PTPN14: variants seen among roughly 807,000 people sequenced by gnomAD.
PTPN14 encodes tyrosine-protein phosphatase non-receptor type 14.
In PTPN14, 53 loss-of-function variants were observed where a neutral mutation model predicts 126.8. The ratio of observed to expected loss-of-function variants is 0.42; its 90% CI spans 0.34 to 0.53. The LOEUF is 0.53. Among genes scored for constraint, PTPN14 ranks in the 20% least tolerant of loss-of-function variants. The pLI, the probability that PTPN14 is intolerant of heterozygous loss-of-function variation, is 0.08. For missense variants in PTPN14, 1,257 were observed against 1,552.9 expected, an observed-to-expected ratio of 0.81 and a Z score of 3.20; for synonymous variants, 630 against 599.3, an observed-to-expected ratio of 1.05 and a Z score of -0.75.
intron 1 of PTPN14, among the ~76,000 whole-genome samples, chr1:214,538,977 T>G (rs57111405): frequency 0.052 from 7,982 of 152,292 alleles, 275 homozygotes; most frequent in Non-Finnish European, 0.078. Flanking sequence ...TCTTGAAAAT[T>G]GATTTTGTGA....
In PTPN14 at chr1:214,391,059, T is replaced by C; in HGVS notation, c.930-14A>G. 2 of 1,549,936 alleles carry C rather than the reference T, an allele frequency of 1.3e-6. No homozygotes were observed. The highest frequency in any genetic ancestry group is 1.8e-6 in the Non-Finnish European group (2 of 1,137,144). On this transcript the variant is annotated splice_polypyrimidine_tract_variant and intron_variant, in intron 10 of 18. Transcript: ENST00000366956. ...GAATTTGACTGTCTACATGAAGAGG[T>C]GAAAAAATGAGAATGGTTATTATTA...
chr1:214,369,018 C>T (rs536615996), intron 17 of PTPN14, among the ~76,000 whole-genome samples: 1 of 152,254 alleles, frequency 6.6e-6, no homozygotes, highest in Non-Finnish European at 1.5e-5. Flanking sequence ...CCCCTTTGCC[C>T]CAGCCCCTGG....
At chr1:214,544,270 A>T (rs551902805) in intron 1 of PTPN14, among the ~76,000 whole-genome samples, 97 of 151,962 alleles carry the variant, frequency 6.4e-4, no homozygotes, top group African/African-American at 1.9e-3. Context: ...CTGTACAAAA[A>T]TTTTTTAAAA....
At chr1:214,408,394 C>T (rs563141058) in intron 5 of PTPN14, among the ~76,000 whole-genome samples, 1 of 152,340 alleles carries the variant, frequency 6.6e-6, no homozygotes, top group African/African-American at 2.4e-5. Flanking sequence ...CTCATTAACA[C>T]TCTTCTCTTT....
chr1:214,358,089 G>A lies in PTPN14; in HGVS notation c.3436-39C>T, dbSNP rs373354825. On this transcript the variant is annotated intron_variant, in intron 18 of 18. Transcript: ENST00000366956. ...GAGAAAGCACAAGGTCCTGAGACAG[G>A]AGGCTTCCCTTTGAGCATTCCTCAT... is the stretch of plus-strand genomic sequence containing the variant. The A allele has an allele frequency of 3.2e-5, 52 of 1,605,696 alleles. No homozygotes were observed. In the African/African-American group the frequency reaches 3.9e-4, roughly 12 times the overall value.
chr1:214,372,318 A>G, intron 16 of PTPN14: 1 of 232,544 alleles, frequency 4.3e-6, no homozygotes, highest in Non-Finnish European at 8.5e-6. Context: ...TTGGGCGTCT[A>G]TGTCGATTTG....
chr1:214,383,367 C>G lies in PTPN14; in HGVS notation c.2488G>C (p.Val830Leu). 6.2e-7 allele frequency: 1 copy of G among 1,614,224 alleles called. No homozygotes were observed. Among genetic ancestry groups the G allele is most frequent in the Non-Finnish European group, 8.5e-7 (1 of 1,180,034 alleles). ...VKKEPVKERP[V>L]SEMFSLEDSI... ...TCTTCCAGGGAAAACATTTCAGACA[C>G]AGGTCTCTCCTTCACAGGCTCTTTT... The change falls in exon 13 of 19, where the codon GTG (valine) becomes CTG (leucine). Residue 830 changes from valine (V) to leucine (L), a missense_variant. Val to Leu is a conservative substitution (Grantham distance 32). Coordinates refer to ENST00000366956, the MANE Select transcript of PTPN14 (RefSeq NM_005401.5). The surrounding 1 kb of genome is among the most constrained non-coding windows in gnomAD (Gnocchi z 4.4).
At chr1:214,370,280 CA>C (rs561271706) in intron 16 of PTPN14, among the ~76,000 whole-genome samples, 343 of 97,430 alleles carry the variant, frequency 3.5e-3, no homozygotes, top group Middle Eastern at 0.013. Context: ...GATTCCATCT[CA>C]AAAAAAAAAA....
chr1:214,546,201 G>A (rs954338997), intron 1 of PTPN14, among the ~76,000 whole-genome samples: 1 of 152,158 alleles, frequency 6.6e-6, no homozygotes, highest in Non-Finnish European at 1.5e-5. Context: ...TTTGGAAATG[G>A]AAATTCTCAG....
intron 2 of PTPN14, among the ~76,000 whole-genome samples, chr1:214,460,563 G>A (rs984427580): frequency 1.7e-5 from 2 of 120,394 alleles, no homozygotes; most frequent in Admixed American, 1.7e-4. Context: ...ACAGATCAGT[G>A]CAAACTGAAC....
rs565805757 is a variant in PTPN14, at chr1:214,391,147, C to T, written c.930-102G>A. Reference sequence around the variant, plus strand: ...GAAGAGAATAAACAAGACTGGTAATCGTTATATCAAAACATAAACGTGGCT... The same window carrying T: ...GAAGAGAATAAACAAGACTGGTAATTGTTATATCAAAACATAAACGTGGCT... On this transcript the variant is annotated intron_variant, in intron 10 of 18. Coordinates refer to ENST00000366956, the MANE Select transcript of PTPN14 (RefSeq NM_005401.5). 2.4e-4 allele frequency: 176 copies of T among 726,604 alleles called. 2 individuals are homozygous for T. The South Asian group carries it at 6.7e-3, about 28-fold the overall frequency. The allele number at this position is 726,604 out of a possible 1,614,324, so 45.0% of individuals were successfully genotyped here.
intron 1 of PTPN14, among the ~76,000 whole-genome samples, chr1:214,519,676 A>G (rs1655194387): frequency 6.6e-6 from 1 of 152,174 alleles, no homozygotes; most frequent in African/African-American, 2.4e-5. Context: ...ATTACATGAA[A>G]GTTCTTTCAA....
chr1:214,453,054 G>A (rs11120327), intron 2 of PTPN14, among the ~76,000 whole-genome samples: 57,793 of 151,912 alleles, frequency 0.38, 11,287 homozygotes, highest in East Asian at 0.53. Context: ...AAAACCAGAC[G>A]TGCCCTTGCC....
intron 1 of PTPN14, among the ~76,000 whole-genome samples, chr1:214,550,341 C>T (rs962668819): frequency 6.6e-6 from 1 of 152,158 alleles, no homozygotes; most frequent in Non-Finnish European, 1.5e-5. Context: ...AAAGAACCTG[C>T]GACAGCCAGT....
Position 214,384,119 on chromosome 1 carries a change from G to A in PTPN14, c.1736C>T (p.Thr579Ile). The A allele has an allele frequency of 6.3e-7, 1 of 1,575,314 alleles. No homozygotes were observed. The highest frequency in any genetic ancestry group is 1.2e-5 in the South Asian group (1 of 85,344). ...GTGGCGGTGGCTGGCCAGGTCTGGGGTGCTGGTGGCAGGTCGTGGCCGTGG... is the reference window on the plus strand; with the variant it reads ...GTGGCGGTGGCTGGCCAGGTCTGGGATGCTGGTGGCAGGTCGTGGCCGTGG... ...PYPRPRPATS[T>I]PDLASHRHKY... The change falls in exon 13 of 19, where the codon ACC (threonine) becomes ATC (isoleucine). Residue 579 changes from threonine to isoleucine, a missense_variant. By Grantham distance (89) the Thr-to-Ile change is moderately conservative. Coordinates refer to ENST00000366956, the MANE Select transcript of PTPN14 (RefSeq NM_005401.5). This position sits in a 1 kb window ranked among gnomAD's most constrained non-coding sequence, Gnocchi z 5.3.
chr1:214,514,725 C>G (rs1213889484), intron 1 of PTPN14, among the ~76,000 whole-genome samples: 1 of 152,156 alleles, frequency 6.6e-6, no homozygotes, highest in Non-Finnish European at 1.5e-5. Flanking sequence ...GCCTTCACCC[C>G]ATGACCCCAG....
At chr1:214,433,952 A>ACAC (rs1491336637) in intron 3 of PTPN14, among the ~76,000 whole-genome samples, 741 of 9,160 alleles carry the variant, frequency 0.081, 26 homozygotes, top group Non-Finnish European at 0.071. Flanking sequence ...ACACACACAC[A>ACAC]AAAAAAAAAA....
At chr1:214,493,376 A>G (rs1046945841) in intron 1 of PTPN14, among the ~76,000 whole-genome samples, 1 of 152,180 alleles carries the variant, frequency 6.6e-6, no homozygotes, top group African/African-American at 2.4e-5. Flanking sequence ...ACTAATTTAC[A>G]TTCCCACCAA....
intron 3 of PTPN14, among the ~76,000 whole-genome samples, chr1:214,443,285 G>C (rs909343658): frequency 3.9e-5 from 6 of 152,060 alleles, no homozygotes; most frequent in African/African-American, 1.4e-4. Context: ...CCTAGTTGAG[G>C]ATCAAGACAA....
Sources: allele counts gnomAD v4.1 joint callset (sites outside exome capture counted in the v4.1 genomes callset), GRCh38; gene constraint gnomAD v4.1.1; non-coding constraint Gnocchi (gnomAD v3.1); transcripts MANE v1.5; gene names NCBI Gene and HGNC (gene_info 2026-07-23, HGNC 2026-07-21).